TLN2: variants seen among roughly 807,000 people sequenced by gnomAD.
The protein encoded by TLN2 is talin-2.
TLN2 carries 118 observed loss-of-function variants against 294.7 expected under a neutral mutation model. The observed-to-expected ratio is 0.40, with a 90% CI of 0.34 to 0.47. The LOEUF is 0.47. Ranked by LOEUF, TLN2 falls within the 20% of genes least tolerant of loss-of-function variation. The pLI, the probability that TLN2 is intolerant of heterozygous loss-of-function variation, is 0.84. For missense variants in TLN2, 3,083 were observed against 3,282.2 expected (o/e 0.94, Z 1.48); for synonymous variants, 1,431 against 1,304.5 (o/e 1.10, Z -2.09).
At chr15:62,505,550 C>T (rs535562380) in intron 1 of TLN2, among the ~76,000 whole-genome samples, 2 of 152,250 alleles carry the variant, frequency 1.3e-5, no homozygotes, top group Non-Finnish European at 2.9e-5. Context: ...GGTCTGCAGG[C>T]GTACATCCTT....
At chr15:62,805,257 G>C (rs1375094793) in intron 50 of TLN2, among the ~76,000 whole-genome samples, 1 of 152,064 alleles carries the variant, frequency 6.6e-6, no homozygotes, top group Non-Finnish European at 1.5e-5. Context: ...CAGCAGGGAT[G>C]GGGGAAGAGA....
intron 1 of TLN2, among the ~76,000 whole-genome samples, chr15:62,553,399 C>A (rs1288942800): frequency 6.6e-6 from 1 of 152,034 alleles, no homozygotes; most frequent in African/African-American, 2.4e-5. Context: ...GCAGGAGAAT[C>A]ACTTGAACCC....
chr15:62,688,624 T>C (rs2057500534), intron 12 of TLN2, among the ~76,000 whole-genome samples: 1 of 152,172 alleles, frequency 6.6e-6, no homozygotes, highest in African/African-American at 2.4e-5. Context: ...ACAGTAATTA[T>C]GGATTTTTCT....
intron 27 of TLN2, among the ~76,000 whole-genome samples, chr15:62,725,403 A>G (rs954337717): frequency 6.6e-6 from 1 of 152,190 alleles, no homozygotes; most frequent in Admixed American, 6.5e-5. Context: ...CACATAGAAA[A>G]GATTATCAGC....
chr15:62,571,967 A>G (rs1223547410), intron 1 of TLN2, among the ~76,000 whole-genome samples: 2 of 152,246 alleles, frequency 1.3e-5, no homozygotes, highest in Non-Finnish European at 2.9e-5. Context: ...CCTCAAGGGC[A>G]GGACAGACCT....
intron 40 of TLN2, among the ~76,000 whole-genome samples, chr15:62,765,660 C>T (rs933871553): frequency 1.1e-4 from 16 of 152,230 alleles, no homozygotes; most frequent in Admixed American, 9.2e-4. Flanking sequence ...CCCACACTCT[C>T]AGAATCATCT....
At chr15:62,737,155 T>C in intron 29 of TLN2, 69 bp downstream of exon 29, 1 of 1,537,812 alleles carries the variant, frequency 6.5e-7, no homozygotes, top group Admixed American at 1.8e-5. Flanking sequence ...TCGGGCTGTC[T>C]CCTGGGCACT....
At position 62,819,579 on chromosome 15, in the gene TLN2, G is replaced by A. The variant is rs138463845; in HGVS notation, c.6835G>A (p.Gly2279Ser). The change falls in exon 53 of 59, where the codon GGC becomes AGC. Residue 2279 changes from glycine to serine, a missense_variant. Gly to Ser is a moderately conservative substitution (Grantham distance 56, BLOSUM62 0). Transcript: ENST00000636159. ...QLAAFSKRVA[G>S]AVTELIQAAE... is the part of the protein sequence containing the mutation. ...GGCCGCTTTCTCCAAGCGAGTCGCC[G>A]GCGCTGTGACAGAGCTCATCCAGGC... The A allele has an allele frequency of 7.9e-3, 12,668 of 1,613,220 alleles. 56 individuals carry two copies. Among genetic ancestry groups the A allele is most frequent in the Non-Finnish European group, 9.9e-3 (11,634 of 1,179,996 alleles).
intron 54 of TLN2, among the ~76,000 whole-genome samples, chr15:62,825,785 T>TA (rs1356467228): frequency 1.2e-4 from 1 of 8,236 alleles, no homozygotes; most frequent in Non-Finnish European, 4.4e-4. Flanking sequence ...TAATATATTA[T>TA]ATATTATAAT....
At chr15:62,497,198 G>C (rs536116684) in intron 1 of TLN2, among the ~76,000 whole-genome samples, 1 of 152,322 alleles carries the variant, frequency 6.6e-6, no homozygotes, top group Non-Finnish European at 1.5e-5. Flanking sequence ...TGTTCGCTGA[G>C]GGAGTGGATG....
intron 1 of TLN2, among the ~76,000 whole-genome samples, chr15:62,410,636 G>C (rs956389293): frequency 3.9e-5 from 6 of 152,214 alleles, no homozygotes; most frequent in African/African-American, 1.4e-4. Context: ...GGGCTGGGTG[G>C]AGTGGAATTG....
intron 1 of TLN2, among the ~76,000 whole-genome samples, chr15:62,394,950 TTTCTC>T (rs1199204349): frequency 6.6e-6 from 1 of 152,172 alleles, no homozygotes. Flanking sequence ...TGGTTTTGTT[TTTCTC>T]TTAATCAACA....
chr15:62,541,191 T>TCTCTA (rs1479974178), intron 1 of TLN2, among the ~76,000 whole-genome samples: 6 of 152,212 alleles, frequency 3.9e-5, no homozygotes, highest in African/African-American at 1.4e-4. Context: ...TGAACTATTC[T>TCTCTA]CTCTACTTTT....
At chr15:62,640,223 C>T in intron 3 of TLN2, 1 of 456,062 alleles carries the variant, frequency 2.2e-6, no homozygotes, top group South Asian at 1.5e-5. Context: ...GAAGGGGAAG[C>T]TCTTTCTTTG....
intron 43 of TLN2, among the ~76,000 whole-genome samples, chr15:62,778,284 T>G (rs1299151149): frequency 1.3e-5 from 2 of 152,330 alleles, no homozygotes; most frequent in East Asian, 1.9e-4. Context: ...GCTGCAAATG[T>G]GGACATTTTG....
At chr15:62,408,991 TG>T (rs991585167) in intron 1 of TLN2, among the ~76,000 whole-genome samples, 3 of 151,472 alleles carry the variant, frequency 2.0e-5, no homozygotes, top group African/African-American at 7.3e-5. Context: ...ATTTATTTTT[TG>T]GGGGGTACAG....
intron 1 of TLN2, among the ~76,000 whole-genome samples, chr15:62,463,911 A>G (rs1001968033): frequency 6.6e-6 from 1 of 152,116 alleles, no homozygotes; most frequent in Non-Finnish European, 1.5e-5. Flanking sequence ...ACAAACAAAT[A>G]AAAACCAGGA....
intron 1 of TLN2, among the ~76,000 whole-genome samples, chr15:62,547,021 A>G (rs1409089952): frequency 6.6e-6 from 1 of 152,216 alleles, no homozygotes; most frequent in East Asian, 1.9e-4. Context: ...AGGAAAGGGG[A>G]TAAAGAAGCA....
At chr15:62,487,753 A>G (rs755566977) in intron 1 of TLN2, among the ~76,000 whole-genome samples, 1 of 152,024 alleles carries the variant, frequency 6.6e-6, no homozygotes, top group Non-Finnish European at 1.5e-5. Flanking sequence ...AATACAAAAA[A>G]TTAGCCGGGC....
Sources: gnomAD v4.1 joint callset for allele counts (sites outside exome capture counted in the v4.1 genomes callset) on GRCh38, gnomAD v4.1.1 for gene constraint, MANE v1.5 for transcripts, NCBI Gene and HGNC (gene_info 2026-07-23, HGNC 2026-07-21) for gene names.